Variants in RBBP6 observed in about 807,000 individuals in gnomAD.
RBBP6 encodes RB binding protein 6, ubiquitin ligase.
In RBBP6, 25 loss-of-function variants were observed where a neutral mutation model predicts 167.7. The observed-to-expected ratio is 0.15, with a 90% CI of 0.11 to 0.21. The LOEUF (loss-of-function observed/expected upper bound fraction) is 0.21, where lower values mean the gene tolerates loss of function less well. Among genes scored for constraint, RBBP6 ranks in the 10% least tolerant of loss-of-function variants. RBBP6 has a pLI of 1.00. For synonymous variants in RBBP6, 789 were observed against 735.8 expected (o/e 1.07, Z -1.17); for missense variants, 1,868 against 2,134.2 (o/e 0.88, Z 2.46).
intron 3 of RBBP6, chr16:24,549,322 G>A (rs1281201906): frequency 2.7e-6 from 3 of 1,111,738 alleles, no homozygotes; most frequent in Non-Finnish European, 3.3e-6. Flanking sequence ...ACATTTGTCT[G>A]TCTATAGTTA....
At chr16:24,549,044 T>G (rs1192826761) in intron 3 of RBBP6, 63 bp downstream of exon 3, 3 of 1,581,986 alleles carry the variant, frequency 1.9e-6, no homozygotes, top group Middle Eastern at 3.3e-4. Context: ...AATGTAGCAG[T>G]GAAGTAAATC....
chr16:24,549,724 TCAAAGTTTA>T (rs1191486491), intron 3 of RBBP6, among the ~76,000 whole-genome samples: 1 of 152,102 alleles, frequency 6.6e-6, no homozygotes, highest in African/African-American at 2.4e-5. Context: ...TATATTGTTT[TCAAAGTTTA>T]ATGAGATCTT....
rs894162779 is a variant in RBBP6, at chr16:24,540,245, G to C, written c.-382G>C. 2 of 161,906 alleles carry C rather than the reference G, an allele frequency of 1.2e-5. No individual in the cohort carries two copies. Among genetic ancestry groups the C allele is most frequent in the African/African-American group, 2.4e-5 (1 of 41,692 alleles). 10.0% of individuals were successfully genotyped at this position (161,906 alleles called of 1,614,324 possible). ...GGCCGCGCTATGGACCCCTGACCCC[G>C]TGGGGTCGCTCGGACTCTTAACGTG... On this transcript the variant is annotated 5_prime_UTR_variant, in exon 1 of 18. Coordinates refer to ENST00000319715, the MANE Select transcript of RBBP6 (RefSeq NM_006910.5).
intron 7 of RBBP6, among the ~76,000 whole-genome samples, chr16:24,559,009 C>T (rs1210302146): frequency 1.3e-5 from 2 of 152,156 alleles, no homozygotes; most frequent in South Asian, 2.1e-4. Flanking sequence ...TTTAATTTCC[C>T]GTCTTGTGGC....
chr16:24,543,184 C>T (rs1218418638), intron 1 of RBBP6, among the ~76,000 whole-genome samples: 1 of 152,020 alleles, frequency 6.6e-6, no homozygotes, highest in Non-Finnish European at 1.5e-5. Context: ...AGTTAAGGTC[C>T]AGTTTCTTAA....
chr16:24,565,105 T>A (rs1238830298), intron 14 of RBBP6, among the ~76,000 whole-genome samples: 1 of 152,194 alleles, frequency 6.6e-6, no homozygotes, highest in Non-Finnish European at 1.5e-5. Context: ...GATTACTTTC[T>A]CCCTGTCAGC....
At chr16:24,548,725 T>C (rs1898726189) in intron 2 of RBBP6, among the ~76,000 whole-genome samples, 1 of 152,190 alleles carries the variant, frequency 6.6e-6, no homozygotes, top group Admixed American at 6.5e-5. Flanking sequence ...TTCCCTAGTA[T>C]GGAATTTTTT....
chr16:24,541,194 AAAAAAAAAACC>A (rs1362265206), intron 1 of RBBP6, among the ~76,000 whole-genome samples: 6 of 68,716 alleles, frequency 8.7e-5, no homozygotes, highest in African/African-American at 2.6e-4. Context: ...AAAAAAAAAC[AAAAAAAAAACC>A]AAAAAAACAA....
chr16:24,554,865 T>C (rs1247770426), intron 4 of RBBP6: 2 of 151,892 alleles, frequency 1.3e-5, no homozygotes, highest in Non-Finnish European at 2.9e-5. Flanking sequence ...TTTCTGTAAA[T>C]GTTGCTGTTG....
Position 24,540,785 on chromosome 16 carries a change from G to C in RBBP6, c.159G>C (p.Thr53=). 2 of 1,612,822 alleles carry C rather than the reference G, an allele frequency of 1.2e-6. No homozygotes were observed. Among genetic ancestry groups the C allele is most frequent in the Non-Finnish European group, 1.7e-6 (2 of 1,179,632 alleles). The change falls in exon 1 of 18, where the codon ACG becomes ACC. Residue 53 remains threonine, a synonymous_variant. Coordinates refer to ENST00000319715, the MANE Select transcript of RBBP6 (RefSeq NM_006910.5). Reference sequence around the variant, plus strand: ...ACCTGCAGATCACCAATGCGCAGACGAAAGAAGGTAAGGGCCGCTTGGTCT... The same window carrying C: ...ACCTGCAGATCACCAATGCGCAGACCAAAGAAGGTAAGGGCCGCTTGGTCT... ...DCDLQITNAQ[T]KEEYTDDNAL...
chr16:24,553,357 T>C (rs1898842721), intron 3 of RBBP6, 156 bp from the exon 4 acceptor site: 3 of 545,222 alleles, frequency 5.5e-6, no homozygotes, highest in Admixed American at 6.0e-5. Context: ...TAGAGAAGAA[T>C]GAAGTAGGCT....
intron 7 of RBBP6, among the ~76,000 whole-genome samples, chr16:24,557,564 C>A (rs1216546151): frequency 6.6e-6 from 1 of 151,016 alleles, no homozygotes; most frequent in African/African-American, 2.4e-5. Context: ...GGTAGAGGGA[C>A]CTTGGGCAAA....
chr16:24,555,653 T>G lies in RBBP6; in HGVS notation c.387T>G (p.Asp129Glu). 6.2e-7 allele frequency: 1 copy of G among 1,613,540 alleles called. No homozygotes were observed. Reference protein sequence around the residue: ...NLAEANASEEDKIKAMMSQSG... With the variant: ...NLAEANASEEEKIKAMMSQSG... ...CTGAAGCCAATGCTTCTGAAGAAGA[T>G]AAAATTAAAGCAATGATGTCGCAAT... The change falls in exon 5 of 18, where the codon GAT (aspartate) becomes GAG (glutamate). Residue 129 changes from aspartate to glutamate, a missense_variant. This residue lies in a region of RBBP6 where 184 missense variants were observed against 327.7 expected (regional missense o/e 0.56). Transcript: ENST00000319715.
chr16:24,569,985 C>T lies in RBBP6; in HGVS notation c.3295C>T (p.His1099Tyr), dbSNP rs769617866. 6.3e-7 allele frequency: 1 copy of T among 1,595,656 alleles called. No individual in the cohort carries two copies. The highest frequency in any genetic ancestry group is 1.2e-5 in the South Asian group (1 of 86,800). Residue 1099 changes from histidine to tyrosine, a missense_variant, in exon 17 of 18, where the codon CAC (histidine) becomes TAC (tyrosine). By Grantham distance (83) the His-to-Tyr change is moderately conservative. Transcript: ENST00000319715. ...RKAHSKSAKE[H>Y]QETKPVKEEK... ...AGCTCACTCTAAATCAGCAAAAGAA[C>T]ACCAAGAAACAAAACCAGTCAAAGA...
intron 16 of RBBP6, among the ~76,000 whole-genome samples, 176 bp downstream of exon 16, chr16:24,568,069 G>T (rs557085850): frequency 1.3e-5 from 2 of 152,332 alleles, no homozygotes; most frequent in South Asian, 4.1e-4. Context: ...ATGTCTCAGT[G>T]TAAATTTTAT....
At chr16:24,550,311 T>C (rs965264100) in intron 3 of RBBP6, among the ~76,000 whole-genome samples, 1 of 151,568 alleles carries the variant, frequency 6.6e-6, no homozygotes, top group African/African-American at 2.4e-5. Context: ...ATCAAAAGTC[T>C]TAGTGTTTGG....
In RBBP6 at chr16:24,562,066, G is replaced by A. The variant is rs1217383508; in HGVS notation, c.1194G>A (p.Val398=). Residue 398 remains valine, a synonymous_variant, in exon 10 of 18, where the codon GTG becomes GTA. Coordinates refer to ENST00000319715, the MANE Select transcript of RBBP6 (RefSeq NM_006910.5). ...TSNQSSLAPP[V]SGNPSSAPAP... ...ATCAGTCTTCCTTGGCCCCTCCTGT[G>A]TCTGGAAATCCGTCTTCTGCTCCAG... The A allele has an allele frequency of 6.2e-7, 1 of 1,613,164 alleles. No homozygotes were observed. The highest frequency in any genetic ancestry group is 2.2e-5 in the East Asian group (1 of 44,890).
chr16:24,542,861 C>T (rs111701804), intron 1 of RBBP6, among the ~76,000 whole-genome samples: 1,958 of 152,134 alleles, frequency 0.013, 23 homozygotes, highest in Non-Finnish European at 0.018. Context: ...ATAAATGATA[C>T]GTAATTCAAA....
At chr16:24,546,452 A>G (rs1292202452) in intron 2 of RBBP6, among the ~76,000 whole-genome samples, 190 bp downstream of exon 2, 2 of 152,206 alleles carry the variant, frequency 1.3e-5, no homozygotes, top group East Asian at 1.9e-4. Flanking sequence ...AAATTGACTT[A>G]GCCTGTTGTG....
Sources: gnomAD v4.1 joint callset for allele counts (sites outside exome capture counted in the v4.1 genomes callset) on GRCh38, gnomAD v4.1.1 for gene constraint, gnomAD v4.1.1 regional missense constraint, MANE v1.5 for transcripts, NCBI Gene and HGNC (gene_info 2026-07-23, HGNC 2026-07-21) for gene names.